TNFAIP8: variants seen among roughly 807,000 people sequenced by gnomAD.
TNFAIP8 encodes TNF alpha induced protein 8, also known as tumor necrosis factor alpha-induced protein 8.
Under a neutral mutation model 13.3 loss-of-function variants are expected in TNFAIP8, and 7 were observed. The observed-to-expected ratio is 0.52, with a 90% CI of 0.30 to 0.99. The LOEUF is 0.99. Among genes scored for constraint, TNFAIP8 ranks in the 50% least tolerant of loss-of-function variants. TNFAIP8 has a pLI of 0.07. For synonymous variants in TNFAIP8, 94 were observed against 87.6 expected (o/e 1.07, Z -0.41); for missense variants, 258 against 236.9 (o/e 1.09, Z -0.58).
At position 119,395,298 on chromosome 5, in the gene TNFAIP8, C is replaced by T. The variant is rs1197144035; in HGVS notation, c.*1917C>T. 1.3e-5 allele frequency: 2 copies of T among 152,192 alleles called. No homozygotes were observed. The highest frequency in any genetic ancestry group is 4.8e-5 in the African/African-American group (2 of 41,420). 9.4% of individuals were successfully genotyped at this position (152,192 alleles called of 1,614,324 possible). A position where few individuals can be genotyped will look rare whatever the true frequency, so the allele number is the denominator to read the frequency against. On this transcript the variant is annotated 3_prime_UTR_variant, in exon 2 of 2. Coordinates refer to ENST00000504771, the MANE Select transcript of TNFAIP8 (RefSeq NM_014350.4). The stretch of plus-strand genomic sequence containing the variant: ...CAGCCTTCCTTGACCAGCTGTTTTC[C>T]TCACATGTGAAGGCTGAGAATGTGA...
At chr5:119,374,089 A>AT (rs1181133271) in intron 1 of TNFAIP8, among the ~76,000 whole-genome samples, 8 of 152,102 alleles carry the variant, frequency 5.3e-5, no homozygotes. Context: ...ATGTGAATTA[A>AT]TTTTTTTAAT....
upstream of TNFAIP8, chr5:119,355,776 G>C: frequency 2.9e-6 from 1 of 345,374 alleles, no homozygotes; most frequent in Non-Finnish European, 4.4e-6. Context: ...TGCCGTCTGG[G>C]CCTGTGCCCC....
chr5:119,319,438 C>T (rs10478420), intron 1 of TNFAIP8, among the ~76,000 whole-genome samples: 3,613 of 152,240 alleles, frequency 0.024, 151 homozygotes, highest in African/African-American at 0.082. Context: ...AACATTCCAA[C>T]GTGTGCTTAA....
upstream of TNFAIP8, chr5:119,355,946 C>T (rs1288093834): frequency 3.5e-6 from 5 of 1,447,422 alleles, no homozygotes; most frequent in Non-Finnish European, 3.7e-6. Flanking sequence ...CCAGAACCCG[C>T]TCTCCCGCCC....
chr5:119,303,441 G>A (rs10519580), intron 1 of TNFAIP8, among the ~76,000 whole-genome samples: 4,543 of 152,102 alleles, frequency 0.03, 240 homozygotes, highest in African/African-American at 0.1. Flanking sequence ...TCTGTAATGG[G>A]CTCAGTTAGA....
chr5:119,363,236 C>T (rs1236048464), intron 1 of TNFAIP8, among the ~76,000 whole-genome samples: 1 of 152,208 alleles, frequency 6.6e-6, no homozygotes, highest in Admixed American at 6.5e-5. Flanking sequence ...GCTTCGTCTT[C>T]CTTTTGGGCC....
At chr5:119,277,840 C>T (rs1748505610) in intron 1 of TNFAIP8, among the ~76,000 whole-genome samples, 1 of 152,134 alleles carries the variant, frequency 6.6e-6, no homozygotes, top group Non-Finnish European at 1.5e-5. Flanking sequence ...TGCTTTCTTG[C>T]TGTGTCCTCA....
intron 1 of TNFAIP8, among the ~76,000 whole-genome samples, chr5:119,294,517 G>T (rs1162569646): frequency 1.3e-5 from 2 of 152,168 alleles, no homozygotes; most frequent in Non-Finnish European, 2.9e-5. Context: ...ACGTGTGCAT[G>T]TGTCTTTATA....
At chr5:119,311,116 G>A (rs908680008) in intron 1 of TNFAIP8, among the ~76,000 whole-genome samples, 6 of 152,174 alleles carry the variant, frequency 3.9e-5, no homozygotes, top group African/African-American at 1.4e-4. Context: ...TCAACCTCCT[G>A]GCCTTGAGCG....
At chr5:119,315,390 T>C (rs1301867646) in intron 1 of TNFAIP8, among the ~76,000 whole-genome samples, 4 of 152,202 alleles carry the variant, frequency 2.6e-5, no homozygotes, top group Admixed American at 2.6e-4. Flanking sequence ...GGCCATAAGT[T>C]ACTGATAATT....
intron 1 of TNFAIP8, among the ~76,000 whole-genome samples, chr5:119,349,698 G>C (rs1266951588): frequency 6.6e-6 from 1 of 152,216 alleles, no homozygotes; most frequent in Non-Finnish European, 1.5e-5. Flanking sequence ...TGAATAAATA[G>C]AAGCTATTGA....
At chr5:119,382,520 C>T (rs978127041) in intron 1 of TNFAIP8, among the ~76,000 whole-genome samples, 1 of 152,174 alleles carries the variant, frequency 6.6e-6, no homozygotes, top group Non-Finnish European at 1.5e-5. Context: ...CCTGTGGCAT[C>T]CTATACCAGC....
At chr5:119,295,371 A>G (rs1193619527) in intron 1 of TNFAIP8, among the ~76,000 whole-genome samples, 2 of 151,752 alleles carry the variant, frequency 1.3e-5, no homozygotes, top group Non-Finnish European at 2.9e-5. Flanking sequence ...TCCCAGCACC[A>G]TTTATTAAAT....
intron 1 of TNFAIP8, among the ~76,000 whole-genome samples, chr5:119,292,440 A>G (rs973636371): frequency 2.0e-5 from 3 of 151,880 alleles, no homozygotes; most frequent in Non-Finnish European, 2.9e-5. Flanking sequence ...TAAATAAAAC[A>G]TTATATCATA....
At chr5:119,311,204 CAT>C (rs1187628044) in intron 1 of TNFAIP8, among the ~76,000 whole-genome samples, 1 of 151,948 alleles carries the variant, frequency 6.6e-6, no homozygotes, top group African/African-American at 2.4e-5. Flanking sequence ...TAAAATTTTT[CAT>C]AGACATGGGG....
At chr5:119,342,408 C>G (rs911838666) in intron 1 of TNFAIP8, among the ~76,000 whole-genome samples, 2 of 152,230 alleles carry the variant, frequency 1.3e-5, no homozygotes, top group African/African-American at 4.8e-5. Context: ...TTTGTAAGAG[C>G]TGGGTGTCAC....
intron 1 of TNFAIP8, among the ~76,000 whole-genome samples, chr5:119,378,119 A>G (rs1752350452): frequency 6.6e-6 from 1 of 152,220 alleles, no homozygotes. Context: ...AACATGGACC[A>G]CTAATCCTAA....
At chr5:119,270,230 A>G (rs1463506843) in intron 1 of TNFAIP8, among the ~76,000 whole-genome samples, 2 of 152,268 alleles carry the variant, frequency 1.3e-5, no homozygotes, top group African/African-American at 4.8e-5. Context: ...CGATATTTTT[A>G]TCCTGGTTTG....
intron 1 of TNFAIP8, among the ~76,000 whole-genome samples, chr5:119,321,359 C>T (rs983443238): frequency 6.6e-6 from 1 of 152,046 alleles, no homozygotes; most frequent in Non-Finnish European, 1.5e-5. Flanking sequence ...AGCATACAGC[C>T]AAGATTGAGA....
Sources: allele counts gnomAD v4.1 joint callset (sites outside exome capture counted in the v4.1 genomes callset), GRCh38; gene constraint gnomAD v4.1.1; transcripts MANE v1.5; gene names NCBI Gene and HGNC (gene_info 2026-07-23, HGNC 2026-07-21).